The following CEACAM20 variants were observed in gnomAD, a reference collection of about 807,000 sequenced individuals.
CEACAM20 encodes cell adhesion molecule CEACAM20.
In CEACAM20, 50 loss-of-function variants were observed where a neutral mutation model predicts 61.2. The observed-to-expected ratio is 0.82, with a 90% CI of 0.65 to 1.03. The LOEUF is 1.03. Ranked by LOEUF, CEACAM20 falls within the 50% of genes least tolerant of loss-of-function variation. The probability of loss-of-function intolerance (pLI) is 0.00; values close to 1 mark genes in which losing one functional copy is unlikely to be tolerated. For synonymous variants in CEACAM20, 282 were observed against 287.7 expected (o/e 0.98, Z 0.20); for missense variants, 683 against 736.4 (o/e 0.93, Z 0.84).
At chr19:44,511,932 A>T in intron 9 of CEACAM20, 85 bp downstream of exon 9, 3 of 1,325,034 alleles carry the variant, frequency 2.3e-6, no homozygotes, top group South Asian at 1.3e-5. Flanking sequence ...TTCTCAAAAG[A>T]TCATGCCAGC....
chr19:44,511,091 G>A lies in CEACAM20; in HGVS notation c.1676C>T (p.Pro559Leu), dbSNP rs1243533425. The A allele has an allele frequency of 6.2e-7, 1 of 1,613,874 alleles. No individual in the cohort carries two copies. Among genetic ancestry groups the A allele is most frequent in the Non-Finnish European group, 8.5e-7 (1 of 1,179,894 alleles). The change falls in exon 11 of 12, where the codon CCT (proline) becomes CTT (leucine). Residue 559 changes from proline (P) to leucine (L), a missense_variant. By Grantham distance (98) the Pro-to-Leu change is moderately conservative. Transcript: ENST00000614924. ...GACCAATCTGAGTGGGGGCATCAGA[G>A]GTTTGGGTGGTGGCTTCCAGGGGCT... ...SFSPWKPPPK[P>L]LMPPLRLVST...
rs1971018171 is a variant in CEACAM20 at position 44,512,059 on chromosome 19, A to G, written c.1533T>C (p.Tyr511=). Residue 511 remains tyrosine, a synonymous_variant, in exon 9 of 12, where the codon TAT becomes TAC. Coordinates refer to ENST00000614924, the MANE Select transcript of CEACAM20 (RefSeq NM_001102597.3). ...EPSSESLSPE[Y]RNISQLQGRI... is the part of the protein sequence containing the mutation. ...GTCCCTGAAGCTGGGATATATTGCG[A>G]TACTCAGGACTCAGGCTTTCTAGAA... is the stretch of plus-strand genomic sequence containing the variant. 1 of 1,608,946 alleles carries G rather than the reference A, an allele frequency of 6.2e-7. No individual in the cohort carries two copies. The highest frequency in any genetic ancestry group is 1.3e-5 in the African/African-American group (1 of 75,014).
Position 44,529,593 on chromosome 19 carries a change from G to T in CEACAM20, c.-84C>A. 8.4e-7 allele frequency: 1 copy of T among 1,187,356 alleles called. No homozygotes were observed. The highest frequency in any genetic ancestry group is 1.2e-6 in the Non-Finnish European group (1 of 806,412). 73.6% of individuals were successfully genotyped at this position (1,187,356 alleles called of 1,614,324 possible). On this transcript the variant is annotated 5_prime_UTR_variant, in exon 1 of 12. The change creates a new upstream start codon in the 5' untranslated region. Transcript: ENST00000614924. ...AGATACAGTCCTCACTCCAGGTGCA[G>T]CCCCTCCACCTCCCTTCTCTCCTCT...
chr19:44,524,198 G>A lies in CEACAM20; in HGVS notation c.260C>T (p.Thr87Ile), dbSNP rs36053277. 4,007 of 1,613,998 alleles carry A rather than the reference G, an allele frequency of 2.5e-3. 6 individuals are homozygous for A. The highest frequency in any genetic ancestry group is 3.1e-3 in the Non-Finnish European group (3,654 of 1,179,888). ...GACGTCCTTAGTGGTGCAGTAGAAG[G>A]TCACCATGTCCTTCTGCTCTATGGC... ...GTAIEQKDMV[T>I]FYCTTKDVNI... is the part of the protein sequence containing the mutation. The change falls in exon 3 of 12, where the codon ACC becomes ATC. Residue 87 changes from threonine (T) to isoleucine (I), a missense_variant. Physicochemically the swap from Thr to Ile is moderately conservative, Grantham distance 89. Coordinates refer to ENST00000614924, the MANE Select transcript of CEACAM20 (RefSeq NM_001102597.3).
intron 4 of CEACAM20, among the ~76,000 whole-genome samples, chr19:44,521,884 G>A (rs1971376181): frequency 6.6e-6 from 1 of 152,084 alleles, no homozygotes; most frequent in South Asian, 2.1e-4. Context: ...GTGTGTGAAT[G>A]TTGTGTTAGT....
intron 11 of CEACAM20, among the ~76,000 whole-genome samples, chr19:44,509,520 C>T (rs1474936675): frequency 6.6e-6 from 1 of 151,594 alleles, no homozygotes. Context: ...AATGGAATGA[C>T]TTGAAAAGAA....
At chr19:44,513,928 T>C (rs1409853992) in intron 6 of CEACAM20, among the ~76,000 whole-genome samples, 1 of 152,194 alleles carries the variant, frequency 6.6e-6, no homozygotes, top group Non-Finnish European at 1.5e-5. Context: ...TCATTTTCTA[T>C]ATATATAGTG....
intron 4 of CEACAM20, among the ~76,000 whole-genome samples, chr19:44,521,415 GA>G (rs1971361124): frequency 6.6e-6 from 1 of 152,116 alleles, no homozygotes; most frequent in Non-Finnish European, 1.5e-5. Context: ...TATTTTATGT[GA>G]GTGTGTCATG....
At chr19:44,528,158 T>TTTCCTTTCTTTCTTTCC (rs1426951753) in intron 1 of CEACAM20, among the ~76,000 whole-genome samples, 16 of 124,828 alleles carry the variant, frequency 1.3e-4, no homozygotes, top group African/African-American at 4.2e-4. Flanking sequence ...TCTTTCTTTC[T>TTTCCTTTCTTTCTTTCC]TTTCTTTCTT....
intron 8 of CEACAM20, 104 bp downstream of exon 8, chr19:44,512,764 C>T (rs908330751): frequency 6.7e-6 from 6 of 896,944 alleles, no homozygotes; most frequent in Middle Eastern, 3.0e-4. Flanking sequence ...AGGGCTTGCC[C>T]TGATCATACA....
chr19:44,520,554 T>C lies in CEACAM20; in HGVS notation c.950A>G (p.Asn317Ser), dbSNP rs2123608588. 1 of 1,614,048 alleles carries C rather than the reference T, an allele frequency of 6.2e-7. No homozygotes were observed. The highest frequency in any genetic ancestry group is 1.7e-4 in the Middle Eastern group (1 of 6,058). The change falls in exon 5 of 12, where the codon AAT (asparagine) becomes AGT (serine). Residue 317 changes from asparagine (N) to serine (S), a missense_variant. Asn to Ser is a conservative substitution (Grantham distance 46). Transcript: ENST00000614924. ...CTCACAGGCATAGGGCCCGGTGTCA[T>C]TCCGCTGGAGGCCATGGATGATTAG... ...RTLIIHGLQR[N>S]DTGPYACEVW... is the part of the protein sequence containing the mutation.
Position 44,512,912 on chromosome 19 carries a change from G to A in CEACAM20, c.1469C>T (p.Ser490Leu), listed in dbSNP as rs1971044446. ...GTGCTCCTCCTTCGGGATGGGTTGTGAGGTCTCATGACTGGGGTCCTCTGT... is the reference window on the plus strand; with the variant it reads ...GTGCTCCTCCTTCGGGATGGGTTGTAAGGTCTCATGACTGGGGTCCTCTGT... ...KTTEDPSHET[S>L]QPIPKEEHPT... The change falls in exon 8 of 12, where the codon TCA becomes TTA. Residue 490 changes from serine to leucine, a missense_variant. Coordinates refer to ENST00000614924, the MANE Select transcript of CEACAM20 (RefSeq NM_001102597.3). The A allele has an allele frequency of 1.2e-6, 2 of 1,613,652 alleles. No homozygotes were observed.
Position 44,520,693 on chromosome 19 carries a change from A to C in CEACAM20, c.811T>G (p.Ser271Ala). ...ACGGTTTGGCAGGTCAGGTCCACAGACCTAGCATTCTCCACAAGGTTCAGG... is the reference window on the plus strand; with the variant it reads ...ACGGTTTGGCAGGTCAGGTCCACAGCCCTAGCATTCTCCACAAGGTTCAGG... ...SSLNLVENAR[S>A]VDLTCQTVNQ... is the part of the protein sequence containing the mutation. The change falls in exon 5 of 12, where the codon TCT (serine) becomes GCT (alanine). Residue 271 changes from serine (S) to alanine (A), a missense_variant. Coordinates refer to ENST00000614924, the MANE Select transcript of CEACAM20 (RefSeq NM_001102597.3). 1.4e-5 allele frequency: 22 copies of C among 1,613,952 alleles called. No individual in the cohort carries two copies. Among genetic ancestry groups the C allele is most frequent in the Non-Finnish European group, 1.9e-5 (22 of 1,179,870 alleles).
At chr19:44,527,348 G>A (rs1397669710) in intron 1 of CEACAM20, among the ~76,000 whole-genome samples, 1 of 152,142 alleles carries the variant, frequency 6.6e-6, no homozygotes, top group Non-Finnish European at 1.5e-5. Context: ...AATGCTATTA[G>A]AGGTTAGGCT....
chr19:44,507,072 C>T (rs1030703937), intron 11 of CEACAM20, among the ~76,000 whole-genome samples: 2 of 152,168 alleles, frequency 1.3e-5, no homozygotes, highest in Non-Finnish European at 2.9e-5. Flanking sequence ...GTTGACTGAC[C>T]TAACCTTCTT....
At chr19:44,509,393 T>C (rs1970908571) in intron 11 of CEACAM20, among the ~76,000 whole-genome samples, 1 of 148,492 alleles carries the variant, frequency 6.7e-6, no homozygotes, top group African/African-American at 2.5e-5. Flanking sequence ...GGAAATGGAA[T>C]GCCATGGAAT....
At chr19:44,524,295 A>G (rs548240701) in intron 2 of CEACAM20, 34 bp from the exon 3 acceptor site, 2 of 1,590,962 alleles carry the variant, frequency 1.3e-6, no homozygotes, top group Non-Finnish European at 1.7e-6. Flanking sequence ...AGGCAGAGAC[A>G]CAGGTAGAGG....
chr19:44,519,359 A>G (rs1387191199), intron 5 of CEACAM20, among the ~76,000 whole-genome samples: 1 of 152,220 alleles, frequency 6.6e-6, no homozygotes, highest in Non-Finnish European at 1.5e-5. Context: ...AGAGAGCACA[A>G]AACATATATT....
rs183098715 is a variant in CEACAM20, at chr19:44,528,404, T to C, written c.52+1054A>G. On this transcript the variant is annotated intron_variant, in intron 1 of 11. Transcript: ENST00000614924. The stretch of plus-strand genomic sequence containing the variant: ...CACCACACTCAGCTAATTTTCGTAT[T>C]TTTAGTAGAGACGGTTTCACCATCT... Among the ~76,000 whole-genome samples the C allele has an allele frequency of 1.6e-3, 251 of 152,194 alleles. 9 individuals are homozygous for C. The highest frequency in any genetic ancestry group is 0.014 in the Admixed American group (220 of 15,270).
Sources: gnomAD v4.1 joint callset for allele counts (sites outside exome capture counted in the v4.1 genomes callset) on GRCh38, gnomAD v4.1.1 for gene constraint, MANE v1.5 for transcripts, NCBI Gene and HGNC (gene_info 2026-07-23, HGNC 2026-07-21) for gene names.